Variants in CPVL observed in about 807,000 individuals in gnomAD.
CPVL encodes probable serine carboxypeptidase CPVL.
CPVL carries 51 observed loss-of-function variants against 63.7 expected under a neutral mutation model. The ratio of observed to expected loss-of-function variants is 0.80; its 90% CI spans 0.64 to 1.01. The LOEUF (loss-of-function observed/expected upper bound fraction) is 1.01, where lower values mean the gene tolerates loss of function less well. Ranked by LOEUF, CPVL falls within the 50% of genes least tolerant of loss-of-function variation. The pLI is 0.00. For missense variants in CPVL, 530 were observed against 573.1 expected (o/e 0.92, Z 0.77); for synonymous variants, 195 against 206.0 (o/e 0.95, Z 0.46).
At chr7:29,137,673 G>A (rs939249617) in intron 1 of CPVL, among the ~76,000 whole-genome samples, 1 of 152,064 alleles carries the variant, frequency 6.6e-6, no homozygotes, top group Non-Finnish European at 1.5e-5. Flanking sequence ...AAATGATTTG[G>A]GGTCTGCTTT....
intron 1 of CPVL, among the ~76,000 whole-genome samples, chr7:29,123,585 C>CT (rs1414686005): frequency 9.7e-6 from 1 of 103,494 alleles, no homozygotes; most frequent in Non-Finnish European, 1.8e-5. Context: ...ATCTTACTCT[C>CT]TAACTGGTTC....
At position 29,016,671 on chromosome 7, in the gene CPVL, C is replaced by T. The variant is rs138085186; in HGVS notation, c.1320+13906G>A. On this transcript the variant is annotated intron_variant, in intron 12 of 12. Coordinates refer to ENST00000265394, the MANE Select transcript of CPVL (RefSeq NM_031311.5). Reference sequence around the variant, plus strand: ...CCCAGGTCAAGGTCAAGGTGCAAGTCTTGGTGCAGGGCTTGTGCTTTAGGG... The same window carrying T: ...CCCAGGTCAAGGTCAAGGTGCAAGTTTTGGTGCAGGGCTTGTGCTTTAGGG... 1.7e-4 allele frequency among the ~76,000 whole-genome samples: 26 copies of T among 152,290 alleles called. No individual in the cohort carries two copies. In the East Asian group the frequency reaches 4.3e-3, roughly 25 times the overall value.
chr7:29,054,069 C>CACAAA lies in CPVL; in HGVS notation c.1137+9987_1137+9991dup, dbSNP rs767939905. Among the ~76,000 whole-genome samples the CACAAA allele has an allele frequency of 4.3e-3, 653 of 151,986 alleles. 5 individuals are homozygous for CACAAA. Among genetic ancestry groups the CACAAA allele is most frequent in the African/African-American group, 0.014 (585 of 41,432 alleles). The stretch of plus-strand genomic sequence containing the variant: ...CCTAGGTAATAGAGCAAGATCCTGT[C>CACAAA]ACAAAACAAAACAAAACAAAACAAA... On this transcript the variant is annotated intron_variant, in intron 11 of 12. Coordinates refer to ENST00000265394, the MANE Select transcript of CPVL (RefSeq NM_031311.5).
At position 29,131,017 on chromosome 7, in the gene CPVL, G is replaced by A. The variant is rs1790640728; in HGVS notation, c.-10-9946C>T. On this transcript the variant is annotated intron_variant, in intron 1 of 12. Transcript: ENST00000265394. ...TGGCAAAGTCAGTGTCTTCCACTAA[G>A]AAATTTTTGTTAGTTTTGCTCAAGT... 2.0e-5 allele frequency among the ~76,000 whole-genome samples: 3 copies of A among 152,192 alleles called. No individual in the cohort carries two copies. In the South Asian group the frequency reaches 6.2e-4, roughly 32 times the overall value.
At chr7:29,153,467 T>C (rs1282505214) in intron 5 of CPVL, among the ~76,000 whole-genome samples, 1 of 152,222 alleles carries the variant, frequency 6.6e-6, no homozygotes, top group Non-Finnish European at 1.5e-5. Context: ...TCTTCTTCCT[T>C]CTTCTCCTCT....
chr7:29,140,465 G>A (rs1791753974), intron 1 of CPVL, among the ~76,000 whole-genome samples: 1 of 152,170 alleles, frequency 6.6e-6, no homozygotes, highest in Admixed American at 6.6e-5. Context: ...CCTCATTCTA[G>A]CAAAGAGAGA....
intron 5 of CPVL, among the ~76,000 whole-genome samples, chr7:29,162,394 G>A (rs1795301852): frequency 6.6e-6 from 1 of 152,174 alleles, no homozygotes; most frequent in Non-Finnish European, 1.5e-5. Flanking sequence ...AGGCGTGGTG[G>A]CTCACACCTG....
At chr7:29,114,079 C>T (rs1395522723) in intron 2 of CPVL, among the ~76,000 whole-genome samples, 5 of 152,156 alleles carry the variant, frequency 3.3e-5, no homozygotes, top group South Asian at 2.1e-4. Context: ...TTGTTAGCAT[C>T]TTTTCCCAGC....
intron 12 of CPVL, among the ~76,000 whole-genome samples, chr7:28,998,635 G>T (rs551858491): frequency 2.0e-5 from 3 of 152,004 alleles, no homozygotes; most frequent in African/African-American, 7.3e-5. Flanking sequence ...GGTCATTTTC[G>T]TTATTCTTCC....
At chr7:29,091,362 G>A (rs1024137499) in intron 6 of CPVL, among the ~76,000 whole-genome samples, 1 of 151,080 alleles carries the variant, frequency 6.6e-6, no homozygotes, top group African/African-American at 2.4e-5. Context: ...GTGTTTGCTA[G>A]TTAACCACTG....
intron 12 of CPVL, chr7:29,009,414 G>C (rs1785559837): frequency 1.3e-5 from 2 of 152,012 alleles, no homozygotes; most frequent in South Asian, 4.1e-4. Context: ...TATCTAGTGA[G>C]GCTGACACAG....
upstream of CPVL, among the ~76,000 whole-genome samples, chr7:29,149,371 T>C (rs1303572634): frequency 6.6e-6 from 1 of 151,894 alleles, no homozygotes; most frequent in Admixed American, 6.5e-5. Flanking sequence ...TTTTTGTATT[T>C]GTAGTAGACA....
chr7:29,108,414 A>G (rs578232377), intron 3 of CPVL, among the ~76,000 whole-genome samples: 1 of 152,092 alleles, frequency 6.6e-6, no homozygotes, highest in Non-Finnish European at 1.5e-5. Flanking sequence ...TGTCTTTTTT[A>G]TCTTCTTCAG....
At chr7:29,054,424 C>T (rs1790507629) in intron 11 of CPVL, among the ~76,000 whole-genome samples, 1 of 152,164 alleles carries the variant, frequency 6.6e-6, no homozygotes, top group South Asian at 2.1e-4. Context: ...ATTGTTATCT[C>T]ATTTTAGCAC....
chr7:29,020,857 C>T (rs1786891558), intron 12 of CPVL, among the ~76,000 whole-genome samples: 1 of 152,158 alleles, frequency 6.6e-6, no homozygotes, highest in East Asian at 1.9e-4. Flanking sequence ...CACCAGAGAT[C>T]TTAAGAAACA....
chr7:29,124,704 T>C (rs993722664), intron 1 of CPVL, among the ~76,000 whole-genome samples: 4 of 152,124 alleles, frequency 2.6e-5, no homozygotes, highest in African/African-American at 7.2e-5. Flanking sequence ...TAAGAATGTT[T>C]TGAAAAATAT....
chr7:29,041,126 A>ATTT lies in CPVL; in HGVS notation c.1138-10370_1138-10368dup, dbSNP rs1191228187. ...TCCTCTGACCATGATCAATAACTGG[A>ATTT]TTTTTTTTTTTTTTTTTTTTTTTGA... On this transcript the variant is annotated intron_variant, in intron 11 of 12. Coordinates refer to ENST00000265394, the MANE Select transcript of CPVL (RefSeq NM_031311.5). 4.8e-3 allele frequency among the ~76,000 whole-genome samples: 502 copies of ATTT among 104,886 alleles called. 7 individuals carry two copies. Among genetic ancestry groups the ATTT allele is most frequent in the African/African-American group, 0.016 (448 of 27,792 alleles). The allele number at this position is 104,886 out of a possible 152,430, so 68.8% of individuals were successfully genotyped here. A position where few individuals can be genotyped will look rare whatever the true frequency, so the allele number is the denominator to read the frequency against.
At chr7:29,061,544 T>C (rs317710) in intron 11 of CPVL, among the ~76,000 whole-genome samples, 59,047 of 152,154 alleles carry the variant, frequency 0.39, 14,012 homozygotes, top group Non-Finnish European at 0.54. Flanking sequence ...CTCTAATCAA[T>C]ATATTCTCCT....
intron 3 of CPVL, among the ~76,000 whole-genome samples, chr7:29,096,861 T>A (rs1786461697): frequency 1.3e-5 from 2 of 152,028 alleles, no homozygotes; most frequent in South Asian, 4.1e-4. Context: ...GGCACATGCC[T>A]GTAATCCGAG....
Sources: gnomAD v4.1 joint callset for allele counts (sites outside exome capture counted in the v4.1 genomes callset) on GRCh38, gnomAD v4.1.1 for gene constraint, MANE v1.5 for transcripts, NCBI Gene and HGNC (gene_info 2026-07-23, HGNC 2026-07-21) for gene names.